Variants in CSMD1 observed in about 807,000 individuals in gnomAD.
The protein encoded by CSMD1 is CUB and Sushi multiple domains 1, also known as CUB and sushi domain-containing protein 1.
A neutral mutation model predicts 417.5 loss-of-function variants in CSMD1; 213 were observed. That is an observed-to-expected ratio of 0.51 (90% CI 0.46 to 0.57). The LOEUF is 0.57. Among genes scored for constraint, CSMD1 ranks in the 20% least tolerant of loss-of-function variants. The pLI is 0.00. For missense variants in CSMD1, 6,923 were observed against 4,529.7 expected, an observed-to-expected ratio of 1.53 and a Z score of -15.17; for synonymous variants, 2,862 against 1,736.8, an observed-to-expected ratio of 1.65 and a Z score of -16.11.
chr8:4,163,595 A>G (rs1019965928), intron 3 of CSMD1, among the ~76,000 whole-genome samples: 36 of 152,318 alleles, frequency 2.4e-4, no homozygotes, highest in African/African-American at 8.2e-4. Flanking sequence ...TTCCTGTTTT[A>G]AAGTGAGTGT....
intron 2 of CSMD1, among the ~76,000 whole-genome samples, chr8:4,542,390 C>T (rs903659455): frequency 1.3e-5 from 2 of 152,084 alleles, no homozygotes; most frequent in African/African-American, 4.8e-5. Flanking sequence ...GTTTTCTCTT[C>T]AGAAGAATAA....
At chr8:4,260,131 G>A (rs553050201) in intron 3 of CSMD1, among the ~76,000 whole-genome samples, 15 of 152,150 alleles carry the variant, frequency 9.9e-5, no homozygotes, top group African/African-American at 3.6e-4. Flanking sequence ...CTAAGTCAAT[G>A]CACCTGATCT....
At chr8:4,083,761 C>T (rs1007638420) in intron 3 of CSMD1, among the ~76,000 whole-genome samples, 9 of 152,118 alleles carry the variant, frequency 5.9e-5, no homozygotes, top group Admixed American at 5.9e-4. Flanking sequence ...TAGGCATTAC[C>T]ATTCAGGACA....
intron 5 of CSMD1, among the ~76,000 whole-genome samples, chr8:3,914,125 A>T (rs928822896): frequency 6.6e-6 from 1 of 152,194 alleles, no homozygotes; most frequent in South Asian, 2.1e-4. Context: ...TTAGAATTTT[A>T]TATGAATAGA....
intron 3 of CSMD1, among the ~76,000 whole-genome samples, chr8:4,126,989 C>G (rs542508965): frequency 6.6e-6 from 1 of 152,058 alleles, no homozygotes; most frequent in South Asian, 2.1e-4. Context: ...GGTGCACATT[C>G]GAGTTTGAGA....
intron 1 of CSMD1, among the ~76,000 whole-genome samples, chr8:4,929,227 G>T (rs1807073609): frequency 6.6e-6 from 1 of 152,146 alleles, no homozygotes; most frequent in Admixed American, 6.5e-5. Flanking sequence ...GCAGCTGTCT[G>T]AAAGCCAGCG....
chr8:3,021,178 C>T (rs1434919061), intron 51 of CSMD1, among the ~76,000 whole-genome samples: 3 of 152,190 alleles, frequency 2.0e-5, no homozygotes, highest in Non-Finnish European at 2.9e-5. Context: ...GCTCGTATGG[C>T]TGTTTCTATT....
At chr8:4,565,822 CACAG>C (rs1298865873) in intron 2 of CSMD1, among the ~76,000 whole-genome samples, 3 of 145,406 alleles carry the variant, frequency 2.1e-5, no homozygotes, top group African/African-American at 7.7e-5. Context: ...ATTATATACA[CACAG>C]ACACGCACAC....
rs1796937057 is a variant in CSMD1, at chr8:4,533,360, T to C, written c.302+103982A>G. ...TTAGAGTTAATTCATTTGGAAAGGC[T>C]TCTGTATTTGATCCCAGAGCTGTGA... is the stretch of plus-strand genomic sequence containing the variant. On this transcript the variant is annotated intron_variant, in intron 2 of 69. Coordinates refer to ENST00000635120, the MANE Select transcript of CSMD1 (RefSeq NM_033225.6). Among the ~76,000 whole-genome samples, 4 of 152,310 alleles carry C rather than the reference T, an allele frequency of 2.6e-5. No individual in the cohort carries two copies. In the South Asian group the frequency reaches 8.3e-4, roughly 32 times the overall value.
chr8:3,051,780 C>A (rs967374775), intron 50 of CSMD1, among the ~76,000 whole-genome samples: 3 of 152,032 alleles, frequency 2.0e-5, no homozygotes, highest in Admixed American at 1.3e-4. Flanking sequence ...TTTTAATATA[C>A]CTGCAATGAA....
At chr8:3,599,267 ACCT>A (rs1584942737) in intron 8 of CSMD1, among the ~76,000 whole-genome samples, 1 of 151,684 alleles carries the variant, frequency 6.6e-6, no homozygotes. Context: ...GAATGTATCC[ACCT>A]CCTCATGTGG....
intron 3 of CSMD1, among the ~76,000 whole-genome samples, chr8:4,045,377 A>G (rs1010806259): frequency 6.6e-6 from 1 of 152,190 alleles, no homozygotes; most frequent in Non-Finnish European, 1.5e-5. Context: ...GGACACTGTC[A>G]TTTAAAACAG....
At chr8:4,045,567 T>A (rs1050871349) in intron 3 of CSMD1, among the ~76,000 whole-genome samples, 1 of 152,164 alleles carries the variant, frequency 6.6e-6, no homozygotes, top group African/African-American at 2.4e-5. Flanking sequence ...AAAGAGGATG[T>A]GCAATGCTTT....
intron 1 of CSMD1, among the ~76,000 whole-genome samples, chr8:4,825,173 T>G (rs777581855): frequency 1.7e-4 from 26 of 152,130 alleles, no homozygotes; most frequent in Non-Finnish European, 3.4e-4. Context: ...AAATGTGACT[T>G]ATCTGACATT....
At chr8:3,858,388 A>G (rs887320732) in intron 5 of CSMD1, among the ~76,000 whole-genome samples, 8 of 152,158 alleles carry the variant, frequency 5.3e-5, no homozygotes, top group Admixed American at 2.6e-4. Flanking sequence ...AATGATTTAA[A>G]ATGAATTCTA....
intron 23 of CSMD1, among the ~76,000 whole-genome samples, chr8:3,316,056 G>C (rs1356102853): frequency 6.6e-6 from 1 of 152,082 alleles, no homozygotes; most frequent in Non-Finnish European, 1.5e-5. Flanking sequence ...GTTCTCTGTT[G>C]AGGATATTTA....
intron 69 of CSMD1, among the ~76,000 whole-genome samples, chr8:2,939,052 C>G (rs7010713): frequency 0.059 from 8,990 of 152,246 alleles, 380 homozygotes; most frequent in African/African-American, 0.1. Context: ...TCAGCCTTGA[C>G]CTCTTGGGCT....
chr8:3,418,273 G>T (rs1317974155), intron 12 of CSMD1, among the ~76,000 whole-genome samples: 2 of 152,128 alleles, frequency 1.3e-5, no homozygotes, highest in African/African-American at 4.8e-5. Flanking sequence ...AGTAACCACA[G>T]AAATGAACTG....
At chr8:4,453,527 C>T (rs547891607) in intron 2 of CSMD1, among the ~76,000 whole-genome samples, 2 of 152,294 alleles carry the variant, frequency 1.3e-5, no homozygotes, top group Non-Finnish European at 1.5e-5. Flanking sequence ...CAGATTCCTG[C>T]AGAGAACACA....
Sources: allele counts gnomAD v4.1 joint callset (sites outside exome capture counted in the v4.1 genomes callset), GRCh38; gene constraint gnomAD v4.1.1; transcripts MANE v1.5; gene names NCBI Gene and HGNC (gene_info 2026-07-23, HGNC 2026-07-21).